COL21A1: variants seen among roughly 807,000 people sequenced by gnomAD.
COL21A1 encodes collagen alpha-1(XXI) chain.
Under a neutral mutation model 137.9 loss-of-function variants are expected in COL21A1, and 149 were observed. The observed-to-expected ratio is 1.08, with a 90% CI of 0.95 to 1.24. The LOEUF (loss-of-function observed/expected upper bound fraction) is 1.24. COL21A1 is among the 50% of genes most tolerant of loss of function. COL21A1 has a pLI of 0.00. For synonymous variants in COL21A1, 456 were observed against 391.5 expected (o/e 1.16, Z -1.95); for missense variants, 1,167 against 1,158.4 (o/e 1.01, Z -0.11).
intron 1 of COL21A1, among the ~76,000 whole-genome samples, chr6:56,287,778 T>C (rs1049511875): frequency 2.0e-5 from 3 of 152,114 alleles, no homozygotes; most frequent in African/African-American, 7.2e-5. Flanking sequence ...GAGACTATAC[T>C]GGATTATCCA....
chr6:56,120,460 T>G lies in COL21A1; in HGVS notation c.1758+3602A>C, dbSNP rs932406413. On this transcript the variant is annotated intron_variant, in intron 16 of 29. Transcript: ENST00000244728. ...GTACACTGTTGGTGGGAATGTAAATTAGTACAACCACTGTGAAGGACAGTT... is the reference window on the plus strand; with the variant it reads ...GTACACTGTTGGTGGGAATGTAAATGAGTACAACCACTGTGAAGGACAGTT... Among the ~76,000 whole-genome samples, 6 of 152,236 alleles carry G rather than the reference T, an allele frequency of 3.9e-5. No homozygotes were observed. The East Asian group carries it at 9.6e-4, about 24-fold the overall frequency.
At chr6:56,292,390 G>C in intron 1 of COL21A1, among the ~76,000 whole-genome samples, 1 of 92,544 alleles carries the variant, frequency 1.1e-5, no homozygotes, top group African/African-American at 3.1e-5. Context: ...ACAAAACAGG[G>C]ACCCCCCCCC....
At chr6:56,099,159 G>A (rs866690187) in intron 17 of COL21A1, among the ~76,000 whole-genome samples, 13 of 151,468 alleles carry the variant, frequency 8.6e-5, no homozygotes, top group Middle Eastern at 3.4e-3. Context: ...TTGTTTCTAC[G>A]GGAGAATGAA....
chr6:56,085,294 A>G (rs1333770972), intron 17 of COL21A1, among the ~76,000 whole-genome samples: 2 of 152,058 alleles, frequency 1.3e-5, no homozygotes, highest in African/African-American at 4.8e-5. Flanking sequence ...CTTTGTAAGG[A>G]TTTACCTCTC....
intron 1 of COL21A1, among the ~76,000 whole-genome samples, chr6:56,215,630 G>A (rs1055726053): frequency 1.3e-5 from 2 of 151,966 alleles, no homozygotes; most frequent in African/African-American, 2.4e-5. Flanking sequence ...CTAAAAGCAA[G>A]GATAAATCTA....
At position 56,182,648 on chromosome 6, in the gene COL21A1, T is replaced by C. The variant is rs1011125122; in HGVS notation, c.-30A>G. On this transcript the variant is annotated 5_prime_UTR_variant, in exon 2 of 30. Transcript: ENST00000244728. ...CTGTTTTCGTTCTAATATTTTGGTT[T>C]TAGGATTCCTAGGGGGAAAAAAAAG... The C allele has an allele frequency of 7.4e-6, 11 of 1,490,636 alleles. No homozygotes were observed. In the African/African-American group the frequency reaches 1.5e-4, roughly 21 times the overall value. The allele number at this position is 1,490,636 out of a possible 1,614,324, so 92.3% of individuals were successfully genotyped here. A position where few individuals can be genotyped will look rare whatever the true frequency, so the allele number is the denominator to read the frequency against.
chr6:56,256,839 A>G (rs975787825), intron 1 of COL21A1, among the ~76,000 whole-genome samples: 3 of 152,134 alleles, frequency 2.0e-5, no homozygotes, highest in African/African-American at 4.8e-5. Context: ...TCAAGAGGCC[A>G]ATAAATTTAT....
intron 16 of COL21A1, among the ~76,000 whole-genome samples, chr6:56,113,796 C>A (rs1016978416): frequency 6.6e-6 from 1 of 152,168 alleles, no homozygotes; most frequent in Non-Finnish European, 1.5e-5. Context: ...TCTTAGACAG[C>A]ATTTCTGGAC....
intron 1 of COL21A1, among the ~76,000 whole-genome samples, chr6:56,227,451 T>A (rs879892546): frequency 1.3e-5 from 2 of 152,012 alleles, no homozygotes; most frequent in Non-Finnish European, 2.9e-5. Context: ...AAGCATTCCA[T>A]CCTTGTTCAA....
intron 1 of COL21A1, among the ~76,000 whole-genome samples, chr6:56,257,346 T>A (rs975768128): frequency 2.6e-5 from 4 of 152,156 alleles, no homozygotes; most frequent in Admixed American, 2.0e-4. Context: ...TTGGAAAAAA[T>A]TTGGCATTAT....
At chr6:56,174,441 C>G (rs1002057301) in intron 3 of COL21A1, among the ~76,000 whole-genome samples, 1 of 151,736 alleles carries the variant, frequency 6.6e-6, no homozygotes, top group Non-Finnish European at 1.5e-5. Flanking sequence ...TAAGTAAAAA[C>G]AGAGAAGACT....
intron 1 of COL21A1, among the ~76,000 whole-genome samples, chr6:56,193,332 T>G (rs1778817799): frequency 6.6e-6 from 1 of 151,936 alleles, no homozygotes; most frequent in Admixed American, 6.6e-5. Flanking sequence ...ATTAAAAAAT[T>G]TAAAAAAAGA....
At chr6:56,273,839 T>C (rs1344698224) in intron 1 of COL21A1, among the ~76,000 whole-genome samples, 1 of 152,154 alleles carries the variant, frequency 6.6e-6, no homozygotes, top group African/African-American at 2.4e-5. Flanking sequence ...AAAGGAATTC[T>C]ATTCAAGGAG....
At position 56,057,535 on chromosome 6, in the gene COL21A1, A is replaced by T. The variant is rs1015469521; in HGVS notation, c.*122T>A. The T allele has an allele frequency of 1.7e-5, 16 of 918,064 alleles. No homozygotes were observed. The highest frequency in any genetic ancestry group is 3.4e-5 in the African/African-American group (2 of 58,328). 56.9% of individuals were successfully genotyped at this position (918,064 alleles called of 1,614,324 possible). ...TTTATATTTTTTTCCATAAGAAAAA[A>T]AAAATAAAAACACCGAGGTACTTAA... On this transcript the variant is annotated 3_prime_UTR_variant, in exon 30 of 30. Coordinates refer to ENST00000244728, the MANE Select transcript of COL21A1 (RefSeq NM_030820.4).
intron 1 of COL21A1, among the ~76,000 whole-genome samples, chr6:56,228,060 G>A (rs1781323911): frequency 6.6e-6 from 1 of 151,960 alleles, no homozygotes; most frequent in Admixed American, 6.6e-5. Flanking sequence ...TGGAGAGTGG[G>A]AAAGGGGTGA....
chr6:56,144,636 A>G (rs1352844149), intron 10 of COL21A1, among the ~76,000 whole-genome samples: 1 of 152,292 alleles, frequency 6.6e-6, no homozygotes, highest in African/African-American at 2.4e-5. Flanking sequence ...TCCTCTTCGA[A>G]GAAGTTGATG....
chr6:56,129,338 A>T (rs1417211894), intron 12 of COL21A1, among the ~76,000 whole-genome samples: 2 of 152,158 alleles, frequency 1.3e-5, no homozygotes, highest in Admixed American at 6.5e-5. Context: ...CCTAGAATGC[A>T]GATAATACAG....
intron 1 of COL21A1, among the ~76,000 whole-genome samples, chr6:56,325,520 AT>A (rs1562056988): frequency 3.3e-4 from 1 of 3,018 alleles, no homozygotes; most frequent in African/African-American, 5.9e-4. Flanking sequence ...TATATTATAT[AT>A]TATATATTAT....
intron 10 of COL21A1, among the ~76,000 whole-genome samples, chr6:56,156,458 C>G (rs1295109500): frequency 6.6e-6 from 1 of 152,114 alleles, no homozygotes; most frequent in Non-Finnish European, 1.5e-5. Context: ...ATTTTATAAC[C>G]CAGAAATGTC....
Sources: gnomAD v4.1 joint callset for allele counts (sites outside exome capture counted in the v4.1 genomes callset) on GRCh38, gnomAD v4.1.1 for gene constraint, MANE v1.5 for transcripts, NCBI Gene and HGNC (gene_info 2026-07-23, HGNC 2026-07-21) for gene names.